KLF8: variants seen among roughly 807,000 people sequenced by gnomAD.
KLF8 encodes KLF transcription factor 8.
In KLF8, 10 loss-of-function variants were observed where a neutral mutation model predicts 18.2. The observed-to-expected ratio is 0.55, with a 90% confidence interval of 0.34 to 0.93. The LOEUF (loss-of-function observed/expected upper bound fraction) is 0.93, where lower values mean the gene tolerates loss of function less well. Ranked by LOEUF, KLF8 falls within the 40% of genes least tolerant of loss-of-function variation. KLF8 has a pLI of 0.02. For synonymous variants in KLF8, 109 were observed against 97.3 expected, an observed-to-expected ratio of 1.12 and a Z score of -0.71; for missense variants, 264 against 277.9, an observed-to-expected ratio of 0.95 and a Z score of 0.36.
the KLF8 span, among the ~76,000 whole-genome samples, chrX:55,975,784 T>TA: frequency 1.8e-5 from 2 of 110,993 alleles, no homozygotes; most frequent in African/African-American, 6.6e-5. Context: ...CTGACTTTTT[T>TA]AAAAAAAAAT....
In KLF8 at chrX:56,290,409, A is replaced by C. The variant is rs757127675; in HGVS notation, c.*5915A>C. On this transcript the variant is annotated 3_prime_UTR_variant, in exon 6 of 6. Coordinates refer to ENST00000468660, the MANE Select transcript of KLF8 (RefSeq NM_007250.5). ...GGCTTCCTAGGTGATAAACAGATAA[A>C]TTTGAGTAAGAAGGATAATTAAAGA... 8.9e-6 allele frequency among the ~76,000 whole-genome samples: 1 copy of C among 111,921 alleles called. No individual in the cohort carries two copies. The highest frequency in any genetic ancestry group is 1.9e-5 in the Non-Finnish European group (1 of 53,098).
the KLF8 span, among the ~76,000 whole-genome samples, chrX:56,061,793 T>C: frequency 9.1e-6 from 1 of 110,212 alleles, no homozygotes; most frequent in African/African-American, 3.3e-5. Context: ...TGTGTGGGAG[T>C]CTAAGTCTCT....
At chrX:56,212,855 G>A in the KLF8 span, among the ~76,000 whole-genome samples, 2 of 111,781 alleles carry the variant, frequency 1.8e-5, 1 homozygote, top group African/African-American at 6.5e-5. Context: ...ACGATTAGTG[G>A]ATTTTTCTAT....
the KLF8 span, among the ~76,000 whole-genome samples, chrX:55,960,328 C>T: frequency 3.6e-5 from 4 of 111,053 alleles, no homozygotes; most frequent in African/African-American, 9.8e-5. Flanking sequence ...ACCAGCCTGA[C>T]CAACATGGAG....
the KLF8 span, among the ~76,000 whole-genome samples, chrX:55,978,345 C>T: frequency 9.0e-6 from 1 of 111,622 alleles, no homozygotes; most frequent in African/African-American, 3.3e-5. Context: ...GATGTTTTTC[C>T]GTCTTTTAAC....
the KLF8 span, among the ~76,000 whole-genome samples, chrX:55,996,975 A>T: frequency 8.9e-6 from 1 of 111,866 alleles, no homozygotes; most frequent in Non-Finnish European, 1.9e-5. Context: ...TGGGATGGTG[A>T]GGTCTGTGTA....
At chrX:56,154,009 G>A in the KLF8 span, among the ~76,000 whole-genome samples, 25 of 111,192 alleles carry the variant, frequency 2.2e-4, no homozygotes, top group East Asian at 5.4e-3. Context: ...TACTGCCCAA[G>A]GTAATCTATA....
At chrX:56,082,898 CT>C in the KLF8 span, among the ~76,000 whole-genome samples, 1 of 112,084 alleles carries the variant, frequency 8.9e-6, no homozygotes, top group Non-Finnish European at 1.9e-5. Flanking sequence ...GAGAAATCCA[CT>C]GGTAGTCTTG....
the KLF8 span, among the ~76,000 whole-genome samples, chrX:55,921,254 A>C: frequency 8.9e-6 from 1 of 112,276 alleles, no homozygotes; most frequent in Non-Finnish European, 1.9e-5. Context: ...AATTTTCTGC[A>C]TGTGGCTAGC....
the KLF8 span, among the ~76,000 whole-genome samples, chrX:56,031,898 A>G: frequency 9.0e-6 from 1 of 111,668 alleles, no homozygotes; most frequent in Non-Finnish European, 1.9e-5. Flanking sequence ...GCCGTGATCG[A>G]TCGAGCGATC....
chrX:56,029,678 G>T, the KLF8 span, among the ~76,000 whole-genome samples: 4,014 of 111,867 alleles, frequency 0.036, 161 homozygotes, highest in African/African-American at 0.12. Flanking sequence ...TTTTTGCTCT[G>T]CATCACCTTG....
At chrX:56,214,273 G>A in the KLF8 span, among the ~76,000 whole-genome samples, 1 of 112,155 alleles carries the variant, frequency 8.9e-6, no homozygotes, top group Admixed American at 9.4e-5. Context: ...CCAGGCTTGA[G>A]GGTGGGGCCC....
the KLF8 span, among the ~76,000 whole-genome samples, chrX:56,028,172 T>TGGTA: frequency 1.8e-5 from 2 of 112,228 alleles, no homozygotes; most frequent in Non-Finnish European, 3.8e-5. Context: ...TGGTCAAATC[T>TGGTA]GGTAGTCCCA....
the KLF8 span, among the ~76,000 whole-genome samples, chrX:56,187,278 A>C: frequency 8.9e-6 from 1 of 112,120 alleles, no homozygotes; most frequent in South Asian, 3.7e-4. Context: ...TCTAGAAGAA[A>C]TGGATAAATT....
At chrX:56,111,266 C>A in the KLF8 span, among the ~76,000 whole-genome samples, 2 of 111,878 alleles carry the variant, frequency 1.8e-5, no homozygotes, top group Non-Finnish European at 3.8e-5. Context: ...TCTCAGGATT[C>A]TCTCTTTCTC....
chrX:56,054,534 A>G, the KLF8 span, among the ~76,000 whole-genome samples: 1 of 111,887 alleles, frequency 8.9e-6, no homozygotes, highest in African/African-American at 3.2e-5. Context: ...AGTATTTGTC[A>G]TGTGGATATG....
chrX:56,199,537 T>A, the KLF8 span, among the ~76,000 whole-genome samples: 15 of 111,894 alleles, frequency 1.3e-4, no homozygotes, highest in African/African-American at 4.9e-4. Flanking sequence ...CCCAATACCA[T>A]GTCACGCCAG....
the KLF8 span, among the ~76,000 whole-genome samples, chrX:56,102,269 G>A: frequency 3.6e-5 from 4 of 111,081 alleles, no homozygotes; most frequent in African/African-American, 9.8e-5. Context: ...TAGGCATGTG[G>A]CTTTATTTCT....
chrX:56,019,736 A>G, the KLF8 span, among the ~76,000 whole-genome samples: 1 of 112,006 alleles, frequency 8.9e-6, no homozygotes, highest in Admixed American at 9.5e-5. Context: ...AACCAAGAAT[A>G]GTTATCTTGG....
Sources: gnomAD v4.1 joint callset for allele counts (sites outside exome capture counted in the v4.1 genomes callset) on GRCh38, gnomAD v4.1.1 for gene constraint, MANE v1.5 for transcripts, NCBI Gene and HGNC (gene_info 2026-07-23, HGNC 2026-07-21) for gene names.